DYNC1I1: variants seen among roughly 807,000 people sequenced by gnomAD.
DYNC1I1 encodes cytoplasmic dynein 1 intermediate chain 1.
A neutral mutation model predicts 86.6 loss-of-function variants in DYNC1I1; 43 were observed. The ratio of observed to expected loss-of-function variants is 0.50; its 90% confidence interval spans 0.39 to 0.64. The LOEUF is 0.64. Ranked by LOEUF, DYNC1I1 falls within the 30% of genes least tolerant of loss-of-function variation. The probability of loss-of-function intolerance (pLI) is 0.00; values close to 1 mark genes in which losing one functional copy is unlikely to be tolerated. For missense variants in DYNC1I1, 604 were observed against 788.8 expected, an observed-to-expected ratio of 0.77 and a Z score of 2.81; for synonymous variants, 262 against 283.7, an observed-to-expected ratio of 0.92 and a Z score of 0.77.
rs1325932449 is a variant in DYNC1I1 at position 96,050,021 on chromosome 7, C to CAAAAAA, written c.1509+10603_1509+10608dup. ...TGGATGACAGAGAGAGACTCCATCTCAAAAAAAACAAACAAACAAAAAAAA... is the reference window on the plus strand; with the variant it reads ...TGGATGACAGAGAGAGACTCCATCTCAAAAAAAAAAAAAACAAACAAACAAAAAAAA... On this transcript the variant is annotated intron_variant, in intron 14 of 16. Coordinates refer to ENST00000447467, the MANE Select transcript of DYNC1I1 (RefSeq NM_001135556.2). Among the ~76,000 whole-genome samples the CAAAAAA allele has an allele frequency of 9.5e-4, 126 of 132,308 alleles. 3 individuals carry two copies. Among genetic ancestry groups the CAAAAAA allele is most frequent in the African/African-American group, 3.8e-3 (124 of 32,624 alleles). 86.8% of individuals were successfully genotyped at this position (132,308 alleles called of 152,430 possible).
chr7:95,984,638 C>T (rs1218688041), intron 7 of DYNC1I1, among the ~76,000 whole-genome samples, 177 bp from the exon 8 acceptor site: 1 of 151,912 alleles, frequency 6.6e-6, no homozygotes, highest in Non-Finnish European at 1.5e-5. Context: ...TCTGCAGAAG[C>T]CTTTGGTGTG....
At chr7:95,905,044 C>A in intron 6 of DYNC1I1, among the ~76,000 whole-genome samples, 1 of 152,182 alleles carries the variant, frequency 6.6e-6, no homozygotes, top group East Asian at 1.9e-4. Flanking sequence ...TACAGTTTCC[C>A]TGTGTAAGTT....
Position 95,810,523 on chromosome 7 carries a change from C to T in DYNC1I1, c.223+17C>T. 6.2e-7 allele frequency: 1 copy of T among 1,602,054 alleles called. No individual in the cohort carries two copies. Among genetic ancestry groups the T allele is most frequent in the South Asian group, 1.1e-5 (1 of 89,608 alleles). ...CGCCTCTAGGTACTTAAAAGTGCTT[C>T]CTGTTACTATTCCTCAAAATCAACT... On this transcript the variant is annotated intron_variant, in intron 3 of 16. Coordinates refer to ENST00000447467, the MANE Select transcript of DYNC1I1 (RefSeq NM_001135556.2).
chr7:95,933,465 C>A (rs116670560), intron 6 of DYNC1I1, among the ~76,000 whole-genome samples: 1 of 152,148 alleles, frequency 6.6e-6, no homozygotes, highest in African/African-American at 2.4e-5. Flanking sequence ...AGAAACTTAA[C>A]AATTTCTAGA....
chr7:95,831,467 G>T (rs997391669), intron 5 of DYNC1I1, among the ~76,000 whole-genome samples: 1 of 152,062 alleles, frequency 6.6e-6, no homozygotes, highest in Admixed American at 6.5e-5. Context: ...CTGCCTCCCA[G>T]GCCAGAGACA....
At chr7:95,815,199 C>G (rs919019630) in intron 4 of DYNC1I1, among the ~76,000 whole-genome samples, 1 of 152,116 alleles carries the variant, frequency 6.6e-6, no homozygotes, top group African/African-American at 2.4e-5. Flanking sequence ...TATTTCTTCT[C>G]AGAGAATATT....
intron 6 of DYNC1I1, among the ~76,000 whole-genome samples, chr7:95,922,087 A>G (rs1239040611): frequency 6.6e-6 from 1 of 152,226 alleles, no homozygotes; most frequent in Non-Finnish European, 1.5e-5. Context: ...CAATTAAAAA[A>G]TATGAAACTG....
chr7:95,981,417 C>T (rs766562283), intron 7 of DYNC1I1, among the ~76,000 whole-genome samples: 1 of 151,330 alleles, frequency 6.6e-6, no homozygotes, highest in African/African-American at 2.4e-5. Flanking sequence ...AAAAGTGGAC[C>T]CTAAGTGAAA....
intron 6 of DYNC1I1, among the ~76,000 whole-genome samples, chr7:95,949,591 G>T (rs564735629): frequency 1.3e-5 from 2 of 152,326 alleles, no homozygotes; most frequent in Admixed American, 6.5e-5. Flanking sequence ...AATCCTGAGG[G>T]ATTGTTAGAA....
chr7:96,108,860 CAAA>C (rs201915898), intron 16 of DYNC1I1, among the ~76,000 whole-genome samples: 5 of 79,558 alleles, frequency 6.3e-5, no homozygotes, highest in Non-Finnish European at 1.0e-4. Context: ...GACTCTGTCT[CAAA>C]AAAAAAAAAA....
intron 5 of DYNC1I1, among the ~76,000 whole-genome samples, chr7:95,834,843 C>G (rs1207954915): frequency 6.7e-6 from 1 of 149,854 alleles, no homozygotes; most frequent in Non-Finnish European, 1.5e-5. Flanking sequence ...TTTATTGTGT[C>G]TATTTGATTC....
downstream of DYNC1I1, among the ~76,000 whole-genome samples, chr7:96,102,196 A>T (rs1438779687): frequency 6.6e-6 from 1 of 152,164 alleles, no homozygotes; most frequent in Non-Finnish European, 1.5e-5. Context: ...TAATTATTTT[A>T]ATTTACAATT....
intron 6 of DYNC1I1, among the ~76,000 whole-genome samples, chr7:95,885,783 G>C (rs910594627): frequency 6.6e-6 from 1 of 152,108 alleles, no homozygotes; most frequent in Non-Finnish European, 1.5e-5. Flanking sequence ...CACTGTGCCT[G>C]GTCTTGATCT....
chr7:95,885,616 A>C (rs1461984221), intron 6 of DYNC1I1, among the ~76,000 whole-genome samples: 1 of 152,124 alleles, frequency 6.6e-6, no homozygotes, highest in African/African-American at 2.4e-5. Context: ...GTAGCTGAGG[A>C]AACAGGTGCA....
chr7:95,891,456 A>C (rs889533963), intron 6 of DYNC1I1, among the ~76,000 whole-genome samples: 2 of 152,186 alleles, frequency 1.3e-5, no homozygotes, highest in Non-Finnish European at 2.9e-5. Context: ...CTTCATGTCC[A>C]CTTTTGCCTT....
At position 95,789,542 on chromosome 7, in the gene DYNC1I1, G is replaced by T. The variant is rs1449161926; in HGVS notation, c.-9-15179G>T. Among the ~76,000 whole-genome samples, 3 of 152,144 alleles carry T rather than the reference G, an allele frequency of 2.0e-5. No homozygotes were observed. The East Asian group carries it at 5.8e-4, about 29-fold the overall frequency. On this transcript the variant is annotated intron_variant, in intron 1 of 16. Transcript: ENST00000447467. ...GATTTAAACAAATAGAGTGGAGTTT[G>T]CTTTGGTCATTCTGTGATACAGTTT...
chr7:95,800,690 GGTGGGTTTGA>G (rs945111298), intron 1 of DYNC1I1, among the ~76,000 whole-genome samples: 5 of 152,150 alleles, frequency 3.3e-5, no homozygotes, highest in African/African-American at 9.7e-5. Flanking sequence ...TATACCCAGA[GGTGGGTTTGA>G]TTTACCCACT....
chr7:95,892,046 C>A (rs1181269698), intron 6 of DYNC1I1, among the ~76,000 whole-genome samples: 2 of 152,138 alleles, frequency 1.3e-5, no homozygotes, highest in Non-Finnish European at 2.9e-5. Context: ...CGGCTCATTG[C>A]AACCTCTGCC....
chr7:95,858,888 A>G (rs1472835932), intron 5 of DYNC1I1, among the ~76,000 whole-genome samples: 2 of 145,312 alleles, frequency 1.4e-5, no homozygotes, highest in Admixed American at 6.9e-5. Context: ...TTTCCCTTAC[A>G]TTGTTTTTAT....
Sources: allele counts gnomAD v4.1 joint callset (sites outside exome capture counted in the v4.1 genomes callset), GRCh38; gene constraint gnomAD v4.1.1; transcripts MANE v1.5; gene names NCBI Gene and HGNC (gene_info 2026-07-23, HGNC 2026-07-21).